The following ZSCAN25 variants were observed in gnomAD, a reference collection of about 807,000 sequenced individuals.
ZSCAN25 encodes the protein zinc finger and SCAN domain containing 25.
ZSCAN25 carries 27 observed loss-of-function variants against 38.7 expected under a neutral mutation model. The observed-to-expected ratio is 0.70, with a 90% CI of 0.51 to 0.96. The LOEUF is 0.96. ZSCAN25 is among the 40% of genes least tolerant of loss of function. The pLI, the probability that ZSCAN25 is intolerant of heterozygous loss-of-function variation, is 0.00. For missense variants in ZSCAN25, 637 were observed against 705.9 expected (o/e 0.90, Z 1.11); for synonymous variants, 273 against 277.7 (o/e 0.98, Z 0.17).
At chr7:99,733,038 G>T in the ZSCAN25 span, among the ~76,000 whole-genome samples, 1 of 152,222 alleles carries the variant, frequency 6.6e-6, no homozygotes, top group Non-Finnish European at 1.5e-5. Context: ...GGAGGCTCGT[G>T]TTTGGAGAAC....
the ZSCAN25 span, chr7:99,648,213 C>T: frequency 1.3e-6 from 2 of 1,517,426 alleles, no homozygotes; most frequent in African/African-American, 1.4e-5. Flanking sequence ...TTAAGCCCAT[C>T]TTTATTTCAA....
intron 7 of ZSCAN25, chr7:99,624,524 T>C (rs1807294274): frequency 7.3e-6 from 2 of 273,692 alleles, no homozygotes; most frequent in Non-Finnish European, 7.2e-6. Flanking sequence ...GTTCAGATAT[T>C]TATTGAGTGC....
the ZSCAN25 span, among the ~76,000 whole-genome samples, chr7:99,637,592 A>G: frequency 3.3e-5 from 5 of 152,302 alleles, no homozygotes; most frequent in East Asian, 5.8e-4. Flanking sequence ...AACTTCTTAC[A>G]TTACCTGTTT....
chr7:99,675,911 T>C, the ZSCAN25 span, among the ~76,000 whole-genome samples: 18 of 151,130 alleles, frequency 1.2e-4, no homozygotes, highest in African/African-American at 4.4e-4. Flanking sequence ...GCCCAGGCTG[T>C]TCTCAAACTC....
the ZSCAN25 span, among the ~76,000 whole-genome samples, chr7:99,667,300 C>G: frequency 6.6e-6 from 1 of 152,178 alleles, no homozygotes; most frequent in Admixed American, 6.5e-5. Context: ...TCTCCTGCCT[C>G]TATATCTCAG....
At chr7:99,654,653 C>A in the ZSCAN25 span, among the ~76,000 whole-genome samples, 2 of 152,216 alleles carry the variant, frequency 1.3e-5, no homozygotes, top group Non-Finnish European at 2.9e-5. Flanking sequence ...TGAGGAATCA[C>A]CACACTGACT....
chr7:99,686,394 A>C, the ZSCAN25 span, among the ~76,000 whole-genome samples: 7 of 152,174 alleles, frequency 4.6e-5, no homozygotes. Flanking sequence ...ATGCCCATGG[A>C]GTCTCACTAA....
chr7:99,736,597 T>C, the ZSCAN25 span, among the ~76,000 whole-genome samples: 1 of 152,200 alleles, frequency 6.6e-6, no homozygotes, highest in African/African-American at 2.4e-5. Context: ...ATGGATTCCA[T>C]GACAAACAAA....
At chr7:99,733,958 T>A in the ZSCAN25 span, among the ~76,000 whole-genome samples, 4 of 152,260 alleles carry the variant, frequency 2.6e-5, no homozygotes, top group East Asian at 5.8e-4. Context: ...AGACTCATAT[T>A]CCTGACATTA....
At chr7:99,641,105 C>T in the ZSCAN25 span, among the ~76,000 whole-genome samples, 131 of 152,192 alleles carry the variant, frequency 8.6e-4, 1 homozygote, top group Non-Finnish European at 1.0e-4. Context: ...GTAGAATCTT[C>T]GTTTACCTCC....
At chr7:99,737,462 A>G in the ZSCAN25 span, among the ~76,000 whole-genome samples, 1 of 152,132 alleles carries the variant, frequency 6.6e-6, no homozygotes, top group Admixed American at 6.5e-5. Flanking sequence ...GCAGTTTCTG[A>G]CCATATCAAT....
chr7:99,651,392 C>T, the ZSCAN25 span, among the ~76,000 whole-genome samples: 2 of 152,138 alleles, frequency 1.3e-5, no homozygotes, highest in Non-Finnish European at 2.9e-5. Flanking sequence ...CAAGCACTAT[C>T]TTTTTGGTGA....
At chr7:99,696,201 G>A in the ZSCAN25 span, among the ~76,000 whole-genome samples, 74 of 150,644 alleles carry the variant, frequency 4.9e-4, no homozygotes, top group African/African-American at 1.8e-3. Flanking sequence ...ACTCTTCCCT[G>A]ATTTGGGGAT....
the ZSCAN25 span, among the ~76,000 whole-genome samples, chr7:99,724,595 T>C: frequency 6.6e-6 from 1 of 151,526 alleles, no homozygotes; most frequent in African/African-American, 2.4e-5. Flanking sequence ...CCAAGCCAGG[T>C]CCCAATTCTT....
the ZSCAN25 span, among the ~76,000 whole-genome samples, chr7:99,729,116 T>G: frequency 6.6e-6 from 1 of 152,152 alleles, no homozygotes; most frequent in Non-Finnish European, 1.5e-5. Context: ...CCTGGACACT[T>G]TCTAACTGGG....
At chr7:99,635,459 T>C (rs548703051), downstream of ZSCAN25, among the ~76,000 whole-genome samples, 75 of 152,364 alleles carry the variant, frequency 4.9e-4, no homozygotes, top group African/African-American at 1.8e-3. Context: ...TGATTATTGT[T>C]CAATTTAACT....
the ZSCAN25 span, among the ~76,000 whole-genome samples, chr7:99,691,707 G>A: frequency 4.6e-5 from 7 of 152,066 alleles, no homozygotes; most frequent in Admixed American, 2.6e-4. Context: ...TCAGAGAATA[G>A]GATTGCAACC....
At chr7:99,660,395 A>T in the ZSCAN25 span, 1 of 1,477,714 alleles carries the variant, frequency 6.8e-7, no homozygotes, top group Non-Finnish European at 9.0e-7. Context: ...CAGTGAAGGA[A>T]TCAGTGATTA....
chr7:99,621,516 T>C lies in ZSCAN25; in HGVS notation c.531T>C (p.Gly177=). ...AAGGAGTTCAAGGTCCAGACCCAGG[T>C]ACCGAGGAGCAGCTCAGTCAGGACC... The part of the protein sequence containing the change: ...PGEGVQGPDP[G]TEEQLSQDPG... Residue 177 remains glycine (G), a synonymous_variant, in exon 5 of 8, where the codon GGT becomes GGC. Transcript: ENST00000394152. 6.4e-7 allele frequency: 1 copy of C among 1,562,462 alleles called. No homozygotes were observed. The highest frequency in any genetic ancestry group is 8.7e-7 in the Non-Finnish European group (1 of 1,147,644).
Sources: allele counts gnomAD v4.1 joint callset (sites outside exome capture counted in the v4.1 genomes callset), GRCh38; gene constraint gnomAD v4.1.1; transcripts MANE v1.5; gene names NCBI Gene and HGNC (gene_info 2026-07-23, HGNC 2026-07-21).